The following LRMDA variants were observed in gnomAD, a reference collection of about 807,000 sequenced individuals.
LRMDA encodes leucine-rich melanocyte differentiation-associated protein.
A neutral mutation model predicts 29.8 loss-of-function variants in LRMDA; 18 were observed. That is an observed-to-expected ratio of 0.60 (90% CI 0.42 to 0.90). The LOEUF (loss-of-function observed/expected upper bound fraction) is 0.90, where lower values mean the gene tolerates loss of function less well. Ranked by LOEUF, LRMDA falls within the 40% of genes least tolerant of loss-of-function variation. The pLI, the probability that LRMDA is intolerant of heterozygous loss-of-function variation, is 0.00. For synonymous variants in LRMDA, 125 were observed against 109.4 expected (o/e 1.14, Z -0.89); for missense variants, 273 against 273.9 (o/e 1.00, Z 0.02).
At chr10:75,803,256 A>G (rs893597143) in intron 2 of LRMDA, among the ~76,000 whole-genome samples, 5 of 152,150 alleles carry the variant, frequency 3.3e-5, no homozygotes, top group African/African-American at 1.2e-4. Flanking sequence ...TATCTGTCAA[A>G]TGAAGATGGT....
chr10:76,040,436 T>A (rs1350691480), intron 3 of LRMDA, among the ~76,000 whole-genome samples: 2 of 152,208 alleles, frequency 1.3e-5, no homozygotes, highest in African/African-American at 4.8e-5. Flanking sequence ...CTCTGGTATA[T>A]CTGAAAGCCT....
intron 2 of LRMDA, among the ~76,000 whole-genome samples, chr10:75,681,410 A>T (rs571775376): frequency 6.6e-6 from 1 of 152,284 alleles, no homozygotes; most frequent in South Asian, 2.1e-4. Context: ...TACCTCATTT[A>T]TTCTCTTGCT....
At chr10:75,996,570 C>T (rs1847465590) in intron 2 of LRMDA, among the ~76,000 whole-genome samples, 1 of 152,158 alleles carries the variant, frequency 6.6e-6, no homozygotes, top group East Asian at 1.9e-4. Context: ...ATGGGGTTTA[C>T]CACAAATGTT....
chr10:76,388,268 GT>G (rs1841683834), intron 6 of LRMDA, among the ~76,000 whole-genome samples: 1 of 152,200 alleles, frequency 6.6e-6, no homozygotes, highest in African/African-American at 2.4e-5. Context: ...CAAAAGTTTA[GT>G]AACTAAAACC....
chr10:75,677,514 AC>A (rs1320679879), intron 2 of LRMDA, among the ~76,000 whole-genome samples: 1 of 152,144 alleles, frequency 6.6e-6, no homozygotes, highest in African/African-American at 2.4e-5. Context: ...TACAATGCAT[AC>A]TACCCTTTGC....
chr10:76,164,284 C>G (rs1850696473), intron 5 of LRMDA, among the ~76,000 whole-genome samples: 1 of 152,118 alleles, frequency 6.6e-6, no homozygotes, highest in Non-Finnish European at 1.5e-5. Flanking sequence ...ATGATTAAAA[C>G]TGAGAATTTT....
At chr10:75,946,031 C>T (rs1846470063) in intron 2 of LRMDA, among the ~76,000 whole-genome samples, 1 of 152,214 alleles carries the variant, frequency 6.6e-6, no homozygotes, top group South Asian at 2.1e-4. Context: ...GGCAACTGCT[C>T]AGATGCACTG....
chr10:75,655,714 A>G (rs1841661657), intron 2 of LRMDA, among the ~76,000 whole-genome samples: 1 of 152,204 alleles, frequency 6.6e-6, no homozygotes, highest in Admixed American at 6.5e-5. Context: ...GAGGAGAAAC[A>G]TCTCCAGGCA....
At chr10:76,288,701 T>A (rs1315628015) in intron 5 of LRMDA, among the ~76,000 whole-genome samples, 1 of 152,164 alleles carries the variant, frequency 6.6e-6, no homozygotes. Context: ...CAATTCTTTT[T>A]AAATGCTATG....
chr10:76,339,271 CAA>C (rs201555311), intron 6 of LRMDA, among the ~76,000 whole-genome samples: 32,991 of 116,222 alleles, frequency 0.28, 4,427 homozygotes, highest in Non-Finnish European at 0.37. Flanking sequence ...CCCCTCCTTC[CAA>C]AAAAAAAAAA....
chr10:75,692,967 T>C (rs1475012138), intron 2 of LRMDA, among the ~76,000 whole-genome samples: 1 of 152,176 alleles, frequency 6.6e-6, no homozygotes, highest in African/African-American at 2.4e-5. Context: ...TGTCTTTGAA[T>C]GTGTGAGAGT....
intron 2 of LRMDA, among the ~76,000 whole-genome samples, chr10:75,842,843 G>A (rs1021318851): frequency 6.6e-6 from 1 of 151,188 alleles, no homozygotes; most frequent in African/African-American, 2.4e-5. Context: ...GTAACACAGT[G>A]AGACCCCTGT....
At chr10:75,613,649 G>T (rs767653647) in intron 2 of LRMDA, among the ~76,000 whole-genome samples, 62 of 152,120 alleles carry the variant, frequency 4.1e-4, no homozygotes, top group Non-Finnish European at 5.4e-4. Flanking sequence ...ACAAAAACAA[G>T]ATTTCTTATG....
At chr10:75,926,622 T>C (rs946915886) in intron 2 of LRMDA, among the ~76,000 whole-genome samples, 30 of 152,230 alleles carry the variant, frequency 2.0e-4, no homozygotes, top group African/African-American at 7.0e-4. Context: ...TGGGTGTTTA[T>C]GGGCATGTTT....
intron 2 of LRMDA, among the ~76,000 whole-genome samples, chr10:75,626,683 G>C (rs1841253982): frequency 6.6e-6 from 1 of 152,182 alleles, no homozygotes; most frequent in Non-Finnish European, 1.5e-5. Flanking sequence ...GAGGTAGAGA[G>C]CATGCCACTG....
intron 6 of LRMDA, among the ~76,000 whole-genome samples, chr10:76,522,902 C>T (rs564448595): frequency 3.3e-5 from 5 of 152,116 alleles, no homozygotes; most frequent in African/African-American, 9.6e-5. Flanking sequence ...GGTAATTTAC[C>T]GCCTCATCCC....
intron 2 of LRMDA, among the ~76,000 whole-genome samples, chr10:75,672,005 C>T (rs894587657): frequency 1.3e-5 from 2 of 152,126 alleles, no homozygotes; most frequent in Non-Finnish European, 2.9e-5. Flanking sequence ...ATGAGAAAGA[C>T]CTTTCTAACT....
chr10:76,140,704 C>A (rs760354802), intron 5 of LRMDA, among the ~76,000 whole-genome samples: 2 of 152,114 alleles, frequency 1.3e-5, no homozygotes, highest in Non-Finnish European at 2.9e-5. Flanking sequence ...CTCTCTCTCT[C>A]TCTGAAGTTC....
chr10:76,114,791 C>T (rs1849640705), intron 5 of LRMDA, among the ~76,000 whole-genome samples: 3 of 152,192 alleles, frequency 2.0e-5, no homozygotes, highest in Admixed American at 2.0e-4. Context: ...AATCGTAAGG[C>T]GCTGCAAAAG....
Sources: allele counts gnomAD v4.1 joint callset (sites outside exome capture counted in the v4.1 genomes callset), GRCh38; gene constraint gnomAD v4.1.1; transcripts MANE v1.5; gene names NCBI Gene and HGNC (gene_info 2026-07-23, HGNC 2026-07-21).